Variants in NMNAT2 observed in about 807,000 individuals in gnomAD.
NMNAT2 encodes nicotinamide nucleotide adenylyltransferase 2, also known as nicotinamide/nicotinic acid mononucleotide adenylyltransferase 2.
A neutral mutation model predicts 41.6 loss-of-function variants in NMNAT2; 11 were observed. The observed-to-expected ratio is 0.26, with a 90% CI of 0.17 to 0.44. The LOEUF is 0.44. NMNAT2 is among the 20% of genes least tolerant of loss of function. NMNAT2 has a pLI of 1.00. For missense variants in NMNAT2, 288 were observed against 407.7 expected (o/e 0.71, Z 2.53); for synonymous variants, 148 against 151.2 (o/e 0.98, Z 0.16).
In NMNAT2 at chr1:183,248,862, C is replaced by A. The variant is rs183203450; in HGVS notation, c.*3779G>T. ...TGTTTGGATGAGTAAAATGTAATAA[C>A]ATGCTTCTCTCTCTTAGTCCCCTAA... is the stretch of plus-strand genomic sequence containing the variant. On this transcript the variant is annotated 3_prime_UTR_variant, in exon 11 of 11. Transcript: ENST00000287713. 6.6e-6 allele frequency: 1 copy of A among 151,366 alleles called. No individual in the cohort carries two copies. Among genetic ancestry groups the A allele is most frequent in the Admixed American group, 6.6e-5 (1 of 15,144 alleles). The allele number at this position is 151,366 out of a possible 1,614,324, so 9.4% of individuals were successfully genotyped here. A position where few individuals can be genotyped will look rare whatever the true frequency, so the allele number is the denominator to read the frequency against.
chr1:183,384,263 C>T (rs60051067), intron 1 of NMNAT2, among the ~76,000 whole-genome samples: 106 of 152,228 alleles, frequency 7.0e-4, no homozygotes, highest in Admixed American at 1.0e-3. Flanking sequence ...AGCAGTGGCA[C>T]GATCTCAGCT....
intron 1 of NMNAT2, among the ~76,000 whole-genome samples, chr1:183,348,984 A>G (rs892686303): frequency 1.3e-5 from 2 of 152,178 alleles, no homozygotes; most frequent in Non-Finnish European, 2.9e-5. Context: ...TGAACACAGC[A>G]TGGACTCGGT....
At chr1:183,414,923 T>A (rs1045229400) in intron 1 of NMNAT2, among the ~76,000 whole-genome samples, 4 of 152,158 alleles carry the variant, frequency 2.6e-5, no homozygotes, top group Non-Finnish European at 5.9e-5. Flanking sequence ...AAAGTCTTGT[T>A]TGTGTCTGTT....
intron 1 of NMNAT2, among the ~76,000 whole-genome samples, chr1:183,295,250 C>T (rs1458095840): frequency 6.6e-6 from 1 of 152,122 alleles, no homozygotes; most frequent in East Asian, 1.9e-4. Context: ...GATCTGCCTG[C>T]CTTGGCCTCC....
chr1:183,415,144 G>C (rs1033102804), intron 1 of NMNAT2, among the ~76,000 whole-genome samples: 2 of 152,056 alleles, frequency 1.3e-5, no homozygotes, highest in Non-Finnish European at 2.9e-5. Flanking sequence ...ACCATACCTG[G>C]CTAATTTTTA....
intron 1 of NMNAT2, among the ~76,000 whole-genome samples, chr1:183,307,496 G>A (rs1005833149): frequency 1.3e-5 from 2 of 151,788 alleles, no homozygotes; most frequent in African/African-American, 4.8e-5. Context: ...AGGCTGGAGT[G>A]CAATGTCATG....
chr1:183,300,931 CTTTTTAGAATATAGA>C (rs1661833563), intron 1 of NMNAT2, among the ~76,000 whole-genome samples: 1 of 152,076 alleles, frequency 6.6e-6, no homozygotes, highest in South Asian at 2.1e-4. Flanking sequence ...CTCTGGGGGT[CTTTTTAGAATATAGA>C]TTCTGATTCT....
Position 183,252,371 on chromosome 1 carries a change from C to G in NMNAT2, c.*270G>C, listed in dbSNP as rs894178641. 4.3e-6 allele frequency: 2 copies of G among 460,494 alleles called. No homozygotes were observed. Among genetic ancestry groups the G allele is most frequent in the African/African-American group, 4.0e-5 (2 of 50,308 alleles). 28.5% of individuals were successfully genotyped at this position (460,494 alleles called of 1,614,324 possible). On this transcript the variant is annotated 3_prime_UTR_variant, in exon 11 of 11. Coordinates refer to ENST00000287713, the MANE Select transcript of NMNAT2 (RefSeq NM_015039.4). ...TCTAGAGCATGCTGGGAGACGGACA[C>G]CAGTACATCTCCAAGGACTGCACTT...
rs186494734 is a variant in NMNAT2 at position 183,365,484 on chromosome 1, C to T, written c.85+52699G>A. On this transcript the variant is annotated intron_variant, in intron 1 of 10. Transcript: ENST00000287713. ...TTAAAAATAAGAAACAGGCCAGGCA[C>T]GGTGGCTCATGCCTGTAATCTCAGC... 4.4e-4 allele frequency among the ~76,000 whole-genome samples: 67 copies of T among 152,018 alleles called. 2 individuals carry two copies. In the East Asian group the frequency reaches 0.011, roughly 25 times the overall value.
chr1:183,277,555 T>C (rs993570746), intron 8 of NMNAT2, among the ~76,000 whole-genome samples: 19 of 149,612 alleles, frequency 1.3e-4, no homozygotes, highest in African/African-American at 3.5e-4. Flanking sequence ...TATTTTGTCA[T>C]GAGCTGTGTT....
intron 1 of NMNAT2, among the ~76,000 whole-genome samples, chr1:183,417,822 A>G (rs1413931695): frequency 1.3e-5 from 2 of 151,508 alleles, no homozygotes; most frequent in Non-Finnish European, 1.5e-5. Flanking sequence ...CGGCGCCCCA[A>G]CCTCTGCCCC....
chr1:183,362,978 A>G (rs1209744328), intron 1 of NMNAT2, among the ~76,000 whole-genome samples: 1 of 152,130 alleles, frequency 6.6e-6, no homozygotes, highest in Non-Finnish European at 1.5e-5. Flanking sequence ...CTTTTTTATT[A>G]TAGCCATTCT....
At chr1:183,256,020 G>A (rs2102275020) in intron 10 of NMNAT2, among the ~76,000 whole-genome samples, 1 of 152,164 alleles carries the variant, frequency 6.6e-6, no homozygotes, top group South Asian at 2.1e-4. Context: ...TGGGAATAGT[G>A]GGCATTCTTG....
intron 1 of NMNAT2, among the ~76,000 whole-genome samples, chr1:183,306,494 C>G (rs1188277064): frequency 6.6e-6 from 1 of 152,154 alleles, no homozygotes; most frequent in Non-Finnish European, 1.5e-5. Flanking sequence ...CTCCCTCAAC[C>G]AGGATGCCCA....
intron 1 of NMNAT2, among the ~76,000 whole-genome samples, chr1:183,409,262 T>G (rs1407864300): frequency 6.6e-6 from 1 of 152,184 alleles, no homozygotes; most frequent in African/African-American, 2.4e-5. Context: ...ATAGTGTCAC[T>G]TTATTGAGTT....
chr1:183,376,269 A>C (rs2101913466), intron 1 of NMNAT2, among the ~76,000 whole-genome samples: 1 of 152,310 alleles, frequency 6.6e-6, no homozygotes, highest in Middle Eastern at 3.4e-3. Context: ...TTTGAGGGTA[A>C]AATTGGAGAA....
intron 1 of NMNAT2, among the ~76,000 whole-genome samples, chr1:183,297,249 A>T (rs1661725947): frequency 6.6e-6 from 1 of 151,928 alleles, no homozygotes; most frequent in Non-Finnish European, 1.5e-5. Flanking sequence ...TTCTTTGCAA[A>T]GTTGTTGTGA....
At chr1:183,278,748 A>C (rs1661189433) in intron 7 of NMNAT2, 119 bp from the exon 8 acceptor site, 1 of 719,072 alleles carries the variant, frequency 1.4e-6, no homozygotes, top group Non-Finnish European at 2.5e-6. Flanking sequence ...TGTGGGGCCC[A>C]GTTATCCCAG....
At position 183,389,816 on chromosome 1, in the gene NMNAT2, G is replaced by GAAAT. The variant is rs1231733725; in HGVS notation, c.85+28366_85+28367insATTT. ...AGAAAGAAAGAAAGAAAGAAAGAAA[G>GAAAT]AAAGAAAGAAAGAAAGAAAGAAAGA... On this transcript the variant is annotated intron_variant, in intron 1 of 10. Coordinates refer to ENST00000287713, the MANE Select transcript of NMNAT2 (RefSeq NM_015039.4). 4.2e-4 allele frequency among the ~76,000 whole-genome samples: 24 copies of GAAAT among 57,614 alleles called. 5 individuals are homozygous for GAAAT. Among genetic ancestry groups the GAAAT allele is most frequent in the Admixed American group, 9.4e-4 (4 of 4,256 alleles). The allele number at this position is 57,614 out of a possible 152,430, so 37.8% of individuals were successfully genotyped here. A position where few individuals can be genotyped will look rare whatever the true frequency, so the allele number is the denominator to read the frequency against.
Sources: gnomAD v4.1 joint callset for allele counts (sites outside exome capture counted in the v4.1 genomes callset) on GRCh38, gnomAD v4.1.1 for gene constraint, MANE v1.5 for transcripts, NCBI Gene and HGNC (gene_info 2026-07-23, HGNC 2026-07-21) for gene names.